The following GRIP1 variants were observed in gnomAD, a reference collection of about 807,000 sequenced individuals.
GRIP1 encodes the protein glutamate receptor interacting protein 1.
A neutral mutation model predicts 129.9 loss-of-function variants in GRIP1; 45 were observed. The observed-to-expected ratio is 0.35, with a 90% CI of 0.27 to 0.44. The LOEUF (loss-of-function observed/expected upper bound fraction) is 0.44. GRIP1 is among the 20% of genes least tolerant of loss of function. The probability of loss-of-function intolerance (pLI) is 1.00; values close to 1 mark genes in which losing one functional copy is unlikely to be tolerated. For missense variants in GRIP1, 1,196 were observed against 1,396.8 expected (o/e 0.86, Z 2.29); for synonymous variants, 530 against 520.8 (o/e 1.02, Z -0.24).
At chr12:66,735,174 A>G (rs1180901138) in intron 1 of GRIP1, among the ~76,000 whole-genome samples, 1 of 152,184 alleles carries the variant, frequency 6.6e-6, no homozygotes, top group African/African-American at 2.4e-5. Flanking sequence ...TAGGATTTAT[A>G]GGAGCGTGAT....
At chr12:66,949,327 G>A (rs2041719312) in intron 1 of GRIP1, among the ~76,000 whole-genome samples, 1 of 152,122 alleles carries the variant, frequency 6.6e-6, no homozygotes, top group South Asian at 2.1e-4. Context: ...TTTCTATAAA[G>A]GTGTCATTCT....
chr12:66,488,659 C>T (rs2060022017), intron 7 of GRIP1, among the ~76,000 whole-genome samples: 2 of 151,804 alleles, frequency 1.3e-5, no homozygotes, highest in South Asian at 4.2e-4. Flanking sequence ...TGTGAAAATC[C>T]CTTCAAAAAA....
chr12:66,827,387 T>TGTGTGTGTGTGTGAGAGAGAGAGAGAGA (rs755458052), intron 1 of GRIP1, among the ~76,000 whole-genome samples: 11 of 108,220 alleles, frequency 1.0e-4, no homozygotes, highest in African/African-American at 2.5e-4. Context: ...TGTGTGTGTG[T>TGTGTGTGTGTGTGAGAGAGAGAGAGAGA]GAGAGAGAGA....
chr12:66,696,804 CAAA>C (rs35445606), intron 1 of GRIP1, among the ~76,000 whole-genome samples: 34 of 103,716 alleles, frequency 3.3e-4, no homozygotes, highest in East Asian at 2.3e-3. Flanking sequence ...GACTCTGTCT[CAAA>C]AAAAAAAAAA....
At chr12:66,753,750 C>T (rs779837536) in intron 1 of GRIP1, among the ~76,000 whole-genome samples, 5 of 152,142 alleles carry the variant, frequency 3.3e-5, no homozygotes, top group Non-Finnish European at 5.9e-5. Context: ...AAAGCAGATA[C>T]TATTTTATTT....
At chr12:67,016,605 A>ATCT (rs1229933485) in intron 1 of GRIP1, among the ~76,000 whole-genome samples, 2 of 152,066 alleles carry the variant, frequency 1.3e-5, no homozygotes, top group East Asian at 3.9e-4. Flanking sequence ...CCCCCACTTT[A>ATCT]TCTTAACTAG....
At chr12:66,499,782 T>C (rs887962696) in intron 7 of GRIP1, among the ~76,000 whole-genome samples, 15 of 152,062 alleles carry the variant, frequency 9.9e-5, no homozygotes, top group African/African-American at 3.1e-4. Context: ...GGCGAGAAGA[T>C]CACTTGAGCC....
chr12:66,972,242 A>T (rs2042085766), intron 1 of GRIP1, among the ~76,000 whole-genome samples: 2 of 152,232 alleles, frequency 1.3e-5, no homozygotes, highest in South Asian at 2.1e-4. Flanking sequence ...ACATCACTCC[A>T]AAAAGTAGGA....
intron 1 of GRIP1, among the ~76,000 whole-genome samples, chr12:66,613,701 C>T (rs2064914157): frequency 6.6e-6 from 1 of 152,132 alleles, no homozygotes; most frequent in South Asian, 2.1e-4. Flanking sequence ...CAAATCATCT[C>T]CCAGCTAGGA....
At chr12:66,404,534 G>GGCTTCT (rs1233731877) in intron 16 of GRIP1, among the ~76,000 whole-genome samples, 2 of 152,018 alleles carry the variant, frequency 1.3e-5, no homozygotes, top group Admixed American at 6.6e-5. Context: ...TGCCCCTCTG[G>GGCTTCT]GCTTCTGCTC....
chr12:67,048,016 T>A (rs2043281294), intron 1 of GRIP1, among the ~76,000 whole-genome samples: 1 of 152,164 alleles, frequency 6.6e-6, no homozygotes, highest in Non-Finnish European at 1.5e-5. Flanking sequence ...CAAATATGTA[T>A]TAGACATTTA....
At chr12:66,563,385 G>T (rs2062610313) in intron 2 of GRIP1, 1 of 152,116 alleles carries the variant, frequency 6.6e-6, no homozygotes, top group Non-Finnish European at 1.5e-5. Flanking sequence ...TTCAAAACCT[G>T]AAGTTTTTCT....
At chr12:66,650,106 G>C (rs960017132) in intron 1 of GRIP1, among the ~76,000 whole-genome samples, 1 of 152,144 alleles carries the variant, frequency 6.6e-6, no homozygotes, top group Non-Finnish European at 1.5e-5. Context: ...CGTCTCCACT[G>C]GCCATTTCCT....
intron 1 of GRIP1, among the ~76,000 whole-genome samples, chr12:66,948,879 T>C (rs978484872): frequency 6.6e-6 from 1 of 152,194 alleles, no homozygotes; most frequent in Non-Finnish European, 1.5e-5. Flanking sequence ...GTTGTATGTC[T>C]AACAAATTGT....
intron 1 of GRIP1, among the ~76,000 whole-genome samples, chr12:66,917,451 T>C (rs1221680248): frequency 7.2e-5 from 11 of 152,236 alleles, no homozygotes; most frequent in Admixed American, 7.2e-4. Context: ...AGAGCATCTA[T>C]TCTTAATTGT....
intron 1 of GRIP1, among the ~76,000 whole-genome samples, chr12:66,777,878 C>T (rs899894507): frequency 4.6e-5 from 7 of 152,106 alleles, no homozygotes; most frequent in African/African-American, 1.7e-4. Context: ...AATGTTTACC[C>T]TATTATATGT....
At position 66,657,329 on chromosome 12, in the gene GRIP1, G is replaced by A. The variant is rs916897061; in HGVS notation, c.55+21521C>T. On this transcript the variant is annotated intron_variant, in intron 1 of 24. Transcript: ENST00000359742. ...CATTCGCCGCCACACCACTGCCCAGGTGAGGTTGAACCACTTCTGACTTTG... is the reference window on the plus strand; with the variant it reads ...CATTCGCCGCCACACCACTGCCCAGATGAGGTTGAACCACTTCTGACTTTG... Among the ~76,000 whole-genome samples the A allele has an allele frequency of 2.0e-4, 30 of 152,126 alleles. 1 individual carries two copies. The highest frequency in any genetic ancestry group is 2.4e-5 in the African/African-American group (1 of 41,436).
chr12:67,035,179 T>G (rs774326872), intron 1 of GRIP1, among the ~76,000 whole-genome samples: 9 of 152,164 alleles, frequency 5.9e-5, no homozygotes, highest in Non-Finnish European at 1.3e-4. Context: ...GATTTGAATG[T>G]AATACCAGCC....
At chr12:66,945,947 A>G (rs2041661905) in intron 1 of GRIP1, among the ~76,000 whole-genome samples, 1 of 151,930 alleles carries the variant, frequency 6.6e-6, no homozygotes, top group South Asian at 2.1e-4. Context: ...CTGAGCAGCT[A>G]TTTTTTTCAT....
Sources: allele counts gnomAD v4.1 joint callset (sites outside exome capture counted in the v4.1 genomes callset), GRCh38; gene constraint gnomAD v4.1.1; transcripts MANE v1.5; gene names NCBI Gene and HGNC (gene_info 2026-07-23, HGNC 2026-07-21).